Variants in FCHO2 observed in about 807,000 individuals in gnomAD.
The protein encoded by FCHO2 is F-BAR domain only protein 2.
Under a neutral mutation model 114.1 loss-of-function variants are expected in FCHO2, and 43 were observed. The ratio of observed to expected loss-of-function variants is 0.38; its 90% CI spans 0.30 to 0.49. The LOEUF (loss-of-function observed/expected upper bound fraction) is 0.49, where lower values mean the gene tolerates loss of function less well. FCHO2 is among the 20% of genes least tolerant of loss of function. FCHO2 has a pLI of 0.97. For synonymous variants in FCHO2, 293 were observed against 315.2 expected (o/e 0.93, Z 0.75); for missense variants, 807 against 950.4 (o/e 0.85, Z 1.98).
At chr5:73,086,247 G>A (rs552338557) in intron 24 of FCHO2, among the ~76,000 whole-genome samples, 1 of 152,346 alleles carries the variant, frequency 6.6e-6, no homozygotes, top group South Asian at 2.1e-4. Flanking sequence ...CTTGGTCTAT[G>A]GTAGAACTTT....
At chr5:73,023,524 A>G (rs1755744119) in intron 8 of FCHO2, among the ~76,000 whole-genome samples, 1 of 152,092 alleles carries the variant, frequency 6.6e-6, no homozygotes, top group African/African-American at 2.4e-5. Context: ...CAACATAGTG[A>G]AACTCCATCT....
chr5:72,972,113 A>G (rs1449109795), intron 2 of FCHO2, among the ~76,000 whole-genome samples: 1 of 151,968 alleles, frequency 6.6e-6, no homozygotes, highest in African/African-American at 2.4e-5. Context: ...GCCTTGTAGT[A>G]TAGTTTGAAG....
chr5:72,968,469 A>G lies in FCHO2; in HGVS notation c.34-29A>G, dbSNP rs1752326364. The G allele has an allele frequency of 2.8e-6, 4 of 1,428,350 alleles. No individual in the cohort carries two copies. The African/African-American group carries it at 5.9e-5, about 21-fold the overall frequency. 88.5% of individuals were successfully genotyped at this position (1,428,350 alleles called of 1,614,324 possible). On this transcript the variant is annotated intron_variant, in intron 1 of 25. Transcript: ENST00000430046. ...TCAAGTCATTTTTATCTGTTTTTTT[A>G]TGAAACTAAAAATCTTTTTAAATTT...
intron 16 of FCHO2, among the ~76,000 whole-genome samples, chr5:73,057,847 G>C (rs1448802658): frequency 6.6e-6 from 1 of 152,026 alleles, no homozygotes; most frequent in Non-Finnish European, 1.5e-5. Context: ...CCCCAAGGTG[G>C]TTGAATCTAA....
At chr5:72,965,614 G>A (rs1176908820) in intron 1 of FCHO2, among the ~76,000 whole-genome samples, 1 of 152,198 alleles carries the variant, frequency 6.6e-6, no homozygotes, top group Non-Finnish European at 1.5e-5. Flanking sequence ...AGTGGCACTG[G>A]AGAGCTGTCA....
At chr5:73,030,588 A>G (rs1756184447) in intron 8 of FCHO2, among the ~76,000 whole-genome samples, 1 of 152,234 alleles carries the variant, frequency 6.6e-6, no homozygotes, top group African/African-American at 2.4e-5. Context: ...CTAATTAAAT[A>G]TCTACCAGTG....
chr5:73,037,236 C>G (rs765121690), intron 10 of FCHO2, 21 bp downstream of exon 10: 43 of 1,529,898 alleles, frequency 2.8e-5, no homozygotes, highest in Non-Finnish European at 3.3e-5. Context: ...TAAATATCGT[C>G]AAAATCCTTT....
intron 15 of FCHO2, among the ~76,000 whole-genome samples, chr5:73,055,462 CA>C (rs1757548300): frequency 6.6e-6 from 1 of 152,140 alleles, no homozygotes; most frequent in Non-Finnish European, 1.5e-5. Flanking sequence ...GAAGGTGCAG[CA>C]AAAATTGCTT....
intron 5 of FCHO2, among the ~76,000 whole-genome samples, chr5:72,992,754 AG>A (rs1753873142): frequency 6.6e-6 from 1 of 152,214 alleles, no homozygotes; most frequent in African/African-American, 2.4e-5. Flanking sequence ...ATATTCTTGC[AG>A]GGAAGTAATT....
At chr5:73,031,288 C>A (rs913982233) in intron 8 of FCHO2, among the ~76,000 whole-genome samples, 18 of 152,126 alleles carry the variant, frequency 1.2e-4, no homozygotes, top group African/African-American at 4.3e-4. Context: ...TATCATCATT[C>A]CTTTTATTAA....
At chr5:73,051,135 G>T in intron 11 of FCHO2, 1 of 405,602 alleles carries the variant, frequency 2.5e-6, no homozygotes, top group South Asian at 3.4e-5. Context: ...CATTTTGCAG[G>T]TCTTTCCTCT....
intron 5 of FCHO2, among the ~76,000 whole-genome samples, chr5:72,998,184 AAAT>A (rs1272947894): frequency 5.3e-5 from 8 of 152,122 alleles, no homozygotes; most frequent in Admixed American, 5.2e-4. Context: ...ATTCAAAATA[AAAT>A]AATTACTTTA....
chr5:72,958,143 T>A (rs971637688), intron 1 of FCHO2, among the ~76,000 whole-genome samples: 1 of 152,130 alleles, frequency 6.6e-6, no homozygotes. Context: ...TTCTTGATGC[T>A]GCTCTTTGAA....
intron 2 of FCHO2, among the ~76,000 whole-genome samples, chr5:72,987,690 A>G (rs1753608796): frequency 6.6e-6 from 1 of 152,184 alleles, no homozygotes; most frequent in African/African-American, 2.4e-5. Context: ...CCTTGCTGTT[A>G]AACTCACACA....
chr5:73,050,041 T>G (rs1010907088), intron 11 of FCHO2, among the ~76,000 whole-genome samples: 8 of 152,164 alleles, frequency 5.3e-5, no homozygotes, highest in African/African-American at 9.7e-5. Flanking sequence ...GAATTTACAT[T>G]ATATATATCT....
intron 19 of FCHO2, among the ~76,000 whole-genome samples, chr5:73,071,917 TGAAAA>T (rs982661485): frequency 2.6e-5 from 4 of 152,142 alleles, no homozygotes; most frequent in African/African-American, 4.8e-5. Context: ...ATTAGATTGT[TGAAAA>T]GAATATTTAT....
rs113241503 is a variant in FCHO2 at position 72,996,847 on chromosome 5, C to T, written c.495+5983C>T. ...CGTTCCCCCTCCCGGCAACGGGGGG[C>T]TGGCGGAGCTGTGCCACGGGGGCCC... On this transcript the variant is annotated intron_variant, in intron 5 of 25. Transcript: ENST00000430046. 5.3e-3 allele frequency: 5,483 copies of T among 1,031,322 alleles called. 123 individuals carry two copies. Among genetic ancestry groups the T allele is most frequent in the African/African-American group, 0.053 (3,325 of 63,046 alleles). The allele number at this position is 1,031,322 out of a possible 1,614,324, so 63.9% of individuals were successfully genotyped here. A position where few individuals can be genotyped will look rare whatever the true frequency, so the allele number is the denominator to read the frequency against.
chr5:73,089,317 T>C lies in FCHO2; in HGVS notation c.*1227T>C, dbSNP rs62362237. 19,816 of 152,446 alleles carry C rather than the reference T, an allele frequency of 0.13. 1,508 individuals carry two copies. Among genetic ancestry groups the C allele is most frequent in the Non-Finnish European group, 0.18 (12,192 of 67,944 alleles). The allele number at this position is 152,446 out of a possible 1,614,324, so 9.4% of individuals were successfully genotyped here. A position where few individuals can be genotyped will look rare whatever the true frequency, so the allele number is the denominator to read the frequency against. On this transcript the variant is annotated 3_prime_UTR_variant, in exon 26 of 26. Coordinates refer to ENST00000430046, the MANE Select transcript of FCHO2 (RefSeq NM_138782.3). ...GATTGTGTTGTGAACATGAGTTTTA[T>C]GGTATTTTGTGAGGGATGCATTTTT...
chr5:73,055,575 A>G (rs1228920011), intron 15 of FCHO2, among the ~76,000 whole-genome samples: 1 of 152,218 alleles, frequency 6.6e-6, no homozygotes, highest in Non-Finnish European at 1.5e-5. Context: ...AAAACAAACT[A>G]TCTTATAAAG....
Sources: allele counts gnomAD v4.1 joint callset (sites outside exome capture counted in the v4.1 genomes callset), GRCh38; gene constraint gnomAD v4.1.1; transcripts MANE v1.5; gene names NCBI Gene and HGNC (gene_info 2026-07-23, HGNC 2026-07-21).